The following NEK1 variants were observed in gnomAD, a reference collection of about 807,000 sequenced individuals.
The protein encoded by NEK1 is NIMA related kinase 1.
NEK1 carries 137 observed loss-of-function variants against 182.1 expected under a neutral mutation model. That is an observed-to-expected ratio of 0.75 (90% confidence interval 0.65 to 0.87). The LOEUF is 0.87. Ranked by LOEUF, NEK1 falls within the 40% of genes least tolerant of loss-of-function variation. NEK1 has a pLI of 0.00. For missense variants in NEK1, 1,391 were observed against 1,494.4 expected (o/e 0.93, Z 1.14); for synonymous variants, 513 against 492.2 (o/e 1.04, Z -0.56).
intron 27 of NEK1, among the ~76,000 whole-genome samples, chr4:169,459,087 TTCAGATAAGAGATAC>T (rs1282366226): frequency 1.3e-5 from 2 of 151,774 alleles, no homozygotes; most frequent in Non-Finnish European, 2.9e-5. Context: ...TCCCAAGCAT[TTCAGATAAGAGATAC>T]TCAATCCGTA....
At chr4:169,512,196 C>T (rs983356020) in intron 19 of NEK1, among the ~76,000 whole-genome samples, 1 of 152,098 alleles carries the variant, frequency 6.6e-6, no homozygotes, top group Admixed American at 6.5e-5. Context: ...AACTGTGAAA[C>T]TATTTTGCAC....
chr4:169,498,262 T>G (rs113159648), intron 23 of NEK1, among the ~76,000 whole-genome samples: 37 of 152,214 alleles, frequency 2.4e-4, no homozygotes. Flanking sequence ...GCTTGGTAGC[T>G]CTTCCTCCAT....
intron 19 of NEK1, among the ~76,000 whole-genome samples, chr4:169,532,076 G>A (rs923483754): frequency 6.6e-6 from 1 of 152,208 alleles, no homozygotes; most frequent in African/African-American, 2.4e-5. Flanking sequence ...ATCAGTGGTT[G>A]CCTACGGCTG....
intron 23 of NEK1, among the ~76,000 whole-genome samples, chr4:169,482,141 T>G (rs1399674777): frequency 6.6e-6 from 1 of 152,238 alleles, no homozygotes; most frequent in Non-Finnish European, 1.5e-5. Flanking sequence ...AGCTTCCTTA[T>G]CTCTCCTAGT....
At chr4:169,460,494 T>C (rs1418411590) in intron 27 of NEK1, among the ~76,000 whole-genome samples, 1 of 152,102 alleles carries the variant, frequency 6.6e-6, no homozygotes. Flanking sequence ...GTGGGAATCA[T>C]GGGAGCTATA....
chr4:169,505,986 A>C (rs1158556156), intron 23 of NEK1, among the ~76,000 whole-genome samples: 2 of 152,092 alleles, frequency 1.3e-5, no homozygotes, highest in Non-Finnish European at 2.9e-5. Context: ...TAAATGTAGA[A>C]ATTTAACTTG....
In NEK1 at chr4:169,577,534, G is replaced by A. The variant is rs367845814; in HGVS notation, c.869-455C>T. On this transcript the variant is annotated intron_variant, in intron 11 of 35. Transcript: ENST00000507142. Reference sequence around the variant, plus strand: ...TGTAATCCCAGCACTTTGGGAGGCCGAGGCGGGTGGATCACGAGGTCAGGA... The same window carrying A: ...TGTAATCCCAGCACTTTGGGAGGCCAAGGCGGGTGGATCACGAGGTCAGGA... Among the ~76,000 whole-genome samples the A allele has an allele frequency of 4.6e-5, 7 of 152,222 alleles. No homozygotes were observed. The East Asian group carries it at 7.7e-4, about 17-fold the overall frequency.
chr4:169,571,654 C>T (rs763636698), intron 12 of NEK1, among the ~76,000 whole-genome samples: 6 of 152,102 alleles, frequency 3.9e-5, no homozygotes, highest in Non-Finnish European at 7.4e-5. Context: ...CCGGGACTAG[C>T]AAGGGAAGAG....
chr4:169,602,549 T>G lies in NEK1; in HGVS notation c.82A>C (p.Arg28=). 1 of 1,605,506 alleles carries G rather than the reference T, an allele frequency of 6.2e-7. No homozygotes were observed. The highest frequency in any genetic ancestry group is 2.2e-5 in the East Asian group (1 of 44,616). The change falls in exon 3 of 36, where the codon AGA becomes CGA. Residue 28 remains arginine, a synonymous_variant. Transcript: ENST00000507142. ...TTAATTTCCTTGATAACATACTGTC[T>G]GCCATCTTCTGTAGATTTAACAAGA... ...AILVKSTEDG[R]QYVIKEINIS...
chr4:169,451,355 CCT>C (rs1741732673), intron 27 of NEK1, among the ~76,000 whole-genome samples: 1 of 152,034 alleles, frequency 6.6e-6, no homozygotes, highest in Admixed American at 6.6e-5. Context: ...ACCACATAGC[CCT>C]TATTCTAAAA....
At chr4:169,503,046 A>T (rs1476592728) in intron 23 of NEK1, among the ~76,000 whole-genome samples, 2 of 152,146 alleles carry the variant, frequency 1.3e-5, no homozygotes, top group Non-Finnish European at 2.9e-5. Context: ...ACATAAAATC[A>T]TTTTACAAAA....
At chr4:169,512,849 T>G (rs1754409498) in intron 19 of NEK1, among the ~76,000 whole-genome samples, 1 of 152,106 alleles carries the variant, frequency 6.6e-6, no homozygotes, top group Admixed American at 6.6e-5. Context: ...ATTGAAAAGG[T>G]TACTCCTACT....
In NEK1 at chr4:169,549,085, G is replaced by A. The variant is rs554412427; in HGVS notation, c.1562+6635C>T. Among the ~76,000 whole-genome samples the A allele has an allele frequency of 1.1e-3, 175 of 152,334 alleles. 2 individuals are homozygous for A. Among genetic ancestry groups the A allele is most frequent in the African/African-American group, 3.9e-3 (161 of 41,570 alleles). Reference sequence around the variant, plus strand: ...AGCCCAGTTTTGTGCTGGAAACCCAGGGCCCTGGTGGCATAGGGACTGGAG... The same window carrying A: ...AGCCCAGTTTTGTGCTGGAAACCCAAGGCCCTGGTGGCATAGGGACTGGAG... On this transcript the variant is annotated intron_variant, in intron 18 of 35. Transcript: ENST00000507142.
At chr4:169,477,551 C>G (rs1747197455) in intron 24 of NEK1, 54 bp from the exon 25 acceptor site, 1 of 1,305,784 alleles carries the variant, frequency 7.7e-7, no homozygotes. Flanking sequence ...TTTAAATCTA[C>G]CTTTAAAAAT....
Position 169,394,320 on chromosome 4 carries a change from A to C in NEK1, c.*190T>G. 2.1e-6 allele frequency: 1 copy of C among 474,954 alleles called. No individual in the cohort carries two copies. The highest frequency in any genetic ancestry group is 3.8e-6 in the Non-Finnish European group (1 of 264,734). 29.4% of individuals were successfully genotyped at this position (474,954 alleles called of 1,614,324 possible). A position where few individuals can be genotyped will look rare whatever the true frequency, so the allele number is the denominator to read the frequency against. ...TTTAACCATGGAATTCAATGAACAA[A>C]ATAGATAAAATATTAGAATCTTCAC... On this transcript the variant is annotated 3_prime_UTR_variant, in exon 36 of 36. Coordinates refer to ENST00000507142, the MANE Select transcript of NEK1 (RefSeq NM_001199397.3).
At position 169,401,776 on chromosome 4, in the gene NEK1, G is replaced by A. The variant is rs769206364; in HGVS notation, c.3459C>T (p.Tyr1153=). ...QLLREQPGEE[Y]SEEEESVLKN... ...TCAAGACTGACTCTTCTTCTTCACTGTATTCTTCACCAGGTTGTTCCCTAA... is the reference window on the plus strand; with the variant it reads ...TCAAGACTGACTCTTCTTCTTCACTATATTCTTCACCAGGTTGTTCCCTAA... The change falls in exon 33 of 36, where the codon TAC becomes TAT. Residue 1153 remains tyrosine (Y), a synonymous_variant. Coordinates refer to ENST00000507142, the MANE Select transcript of NEK1 (RefSeq NM_001199397.3). The A allele has an allele frequency of 1.9e-6, 3 of 1,613,660 alleles. No individual in the cohort carries two copies. Among genetic ancestry groups the A allele is most frequent in the East Asian group, 2.2e-5 (1 of 44,894 alleles).
At chr4:169,561,389 G>A (rs989267062) in intron 16 of NEK1, 91 bp downstream of exon 16, 47 of 1,119,332 alleles carry the variant, frequency 4.2e-5, no homozygotes, top group Non-Finnish European at 5.7e-5. Flanking sequence ...ACTAAAGAAA[G>A]AAAGAAAATC....
intron 23 of NEK1, among the ~76,000 whole-genome samples, chr4:169,489,019 T>C (rs568017365): frequency 1.3e-5 from 2 of 152,184 alleles, no homozygotes; most frequent in Non-Finnish European, 2.9e-5. Flanking sequence ...AGCTAATTAA[T>C]TGGCAAGGCT....
chr4:169,608,116 TAC>T (rs57287742), intron 2 of NEK1, among the ~76,000 whole-genome samples: 18 of 148,064 alleles, frequency 1.2e-4, no homozygotes, highest in South Asian at 4.3e-4. Flanking sequence ...CACACACACA[TAC>T]ACACACACAC....
Sources: allele counts gnomAD v4.1 joint callset (sites outside exome capture counted in the v4.1 genomes callset), GRCh38; gene constraint gnomAD v4.1.1; transcripts MANE v1.5; gene names NCBI Gene and HGNC (gene_info 2026-07-23, HGNC 2026-07-21).